The following EYA1 variants were observed in gnomAD, a reference collection of about 807,000 sequenced individuals.
The protein encoded by EYA1 is protein phosphatase EYA1.
EYA1 carries 16 observed loss-of-function variants against 82.0 expected under a neutral mutation model. The observed-to-expected ratio is 0.20, with a 90% CI of 0.13 to 0.30. The LOEUF (loss-of-function observed/expected upper bound fraction) is 0.30, where lower values mean the gene tolerates loss of function less well. EYA1 is among the 10% of genes least tolerant of loss of function. The probability of loss-of-function intolerance (pLI) is 1.00; values close to 1 mark genes in which losing one functional copy is unlikely to be tolerated. For synonymous variants in EYA1, 261 were observed against 264.4 expected (o/e 0.99, Z 0.12); for missense variants, 633 against 730.7 (o/e 0.87, Z 1.54).
At chr8:71,204,570 T>C (rs1162946786) in intron 17 of EYA1, among the ~76,000 whole-genome samples, 1 of 152,182 alleles carries the variant, frequency 6.6e-6, no homozygotes, top group Non-Finnish European at 1.5e-5. Flanking sequence ...ATCCACATGA[T>C]GGAATACCGA....
At chr8:71,522,222 C>G (rs1255263924) in intron 2 of EYA1, among the ~76,000 whole-genome samples, 1 of 152,144 alleles carries the variant, frequency 6.6e-6, no homozygotes, top group East Asian at 1.9e-4. Flanking sequence ...GAAAAACCAC[C>G]TTGATCCTTA....
chr8:71,418,467 C>G (rs1830972104), intron 2 of EYA1, among the ~76,000 whole-genome samples: 1 of 152,066 alleles, frequency 6.6e-6, no homozygotes, highest in Non-Finnish European at 1.5e-5. Context: ...CTTTGGCATA[C>G]AGAATAATAT....
chr8:71,244,161 C>G (rs577329356), intron 12 of EYA1, among the ~76,000 whole-genome samples: 8 of 152,248 alleles, frequency 5.3e-5, no homozygotes, highest in African/African-American at 1.4e-4. Flanking sequence ...ACAGCAGAGG[C>G]CAGACTAAAA....
intron 4 of EYA1, among the ~76,000 whole-genome samples, chr8:71,327,288 AC>A (rs1823270743): frequency 6.6e-6 from 1 of 152,238 alleles, no homozygotes; most frequent in East Asian, 1.9e-4. Context: ...AGAAGGGTAT[AC>A]CTTTTATGAA....
At chr8:71,306,534 G>T (rs1309033393) in intron 7 of EYA1, among the ~76,000 whole-genome samples, 1 of 152,040 alleles carries the variant, frequency 6.6e-6, no homozygotes, top group Non-Finnish European at 1.5e-5. Context: ...GGTTTGGGAT[G>T]GGGGTGCTCA....
chr8:71,304,367 G>C (rs1158397716), intron 7 of EYA1, among the ~76,000 whole-genome samples: 1 of 142,644 alleles, frequency 7.0e-6, no homozygotes, highest in Non-Finnish European at 1.6e-5. Context: ...CAGAACTGAC[G>C]CTCTTAATCT....
intron 2 of EYA1, among the ~76,000 whole-genome samples, chr8:71,523,319 C>T (rs1384165997): frequency 2.0e-5 from 3 of 151,972 alleles, no homozygotes; most frequent in Non-Finnish European, 2.9e-5. Context: ...GCTGGGACTA[C>T]AGGCACCCGC....
chr8:71,271,033 C>T (rs1411424166), intron 10 of EYA1, among the ~76,000 whole-genome samples: 1 of 152,110 alleles, frequency 6.6e-6, no homozygotes, highest in Non-Finnish European at 1.5e-5. Flanking sequence ...ATCGCTTGAA[C>T]CGGGAGGCAG....
intron 11 of EYA1, among the ~76,000 whole-genome samples, chr8:71,265,359 C>T (rs1336563332): frequency 6.6e-6 from 1 of 152,112 alleles, no homozygotes; most frequent in Non-Finnish European, 1.5e-5. Context: ...TAAATGAATG[C>T]TGGGCATATA....
At chr8:71,461,015 C>A (rs1808318489) in intron 2 of EYA1, among the ~76,000 whole-genome samples, 1 of 152,168 alleles carries the variant, frequency 6.6e-6, no homozygotes, top group South Asian at 2.1e-4. Context: ...ACAGCATATG[C>A]AAATAAAACA....
rs749842899 is a variant in EYA1 at position 71,271,744 on chromosome 8, T to A, written c.966+14A>T. Reference sequence around the variant, plus strand: ...GACACCTTTCTATTCACTTGGGTGTTGGCTATGACGTACCTCAAGATCAGA... The same window carrying A: ...GACACCTTTCTATTCACTTGGGTGTAGGCTATGACGTACCTCAAGATCAGA... On this transcript the variant is annotated intron_variant, in intron 10 of 17. Transcript: ENST00000340726. The A allele has an allele frequency of 1.9e-6, 3 of 1,614,216 alleles. No homozygotes were observed. The Admixed American group carries it at 5.0e-5, about 27-fold the overall frequency.
chr8:71,339,460 C>T (rs1824875485), intron 3 of EYA1, among the ~76,000 whole-genome samples: 1 of 152,142 alleles, frequency 6.6e-6, no homozygotes. Flanking sequence ...TGCCAGACCC[C>T]CTTTTCCACC....
intron 12 of EYA1, among the ~76,000 whole-genome samples, chr8:71,222,603 T>C (rs1397248046): frequency 2.0e-5 from 3 of 152,234 alleles, no homozygotes; most frequent in African/African-American, 7.2e-5. Flanking sequence ...ATTGTGGAGT[T>C]CCTGCAGAGG....
At chr8:71,379,499 A>AG (rs74704530) in intron 2 of EYA1, among the ~76,000 whole-genome samples, 36,139 of 152,052 alleles carry the variant, frequency 0.24, 5,266 homozygotes, top group East Asian at 0.7. Flanking sequence ...TTCTTGAAAT[A>AG]GGCATATTTG....
chr8:71,393,037 C>G (rs1829367491), intron 2 of EYA1, among the ~76,000 whole-genome samples: 1 of 152,058 alleles, frequency 6.6e-6, no homozygotes, highest in South Asian at 2.1e-4. Flanking sequence ...GAATACCTTT[C>G]TGCAATATTT....
At chr8:71,524,875 T>G (rs1357115435) in intron 2 of EYA1, among the ~76,000 whole-genome samples, 1 of 152,236 alleles carries the variant, frequency 6.6e-6, no homozygotes, top group East Asian at 1.9e-4. Context: ...TTTTTACTTA[T>G]AGAAAGAAGG....
intron 2 of EYA1, among the ~76,000 whole-genome samples, chr8:71,427,915 G>A (rs985558468): frequency 1.3e-5 from 2 of 151,710 alleles, no homozygotes; most frequent in Admixed American, 6.6e-5. Context: ...GGGAGGTCGA[G>A]GCTGCAGTGA....
chr8:71,379,049 C>T (rs191025207), intron 2 of EYA1, among the ~76,000 whole-genome samples: 6 of 152,242 alleles, frequency 3.9e-5, no homozygotes, highest in Admixed American at 3.3e-4. Flanking sequence ...GAAAATCTCA[C>T]CTACTACAGT....
intron 2 of EYA1, among the ~76,000 whole-genome samples, chr8:71,441,189 A>G (rs1279037068): frequency 6.6e-6 from 1 of 152,200 alleles, no homozygotes; most frequent in Non-Finnish European, 1.5e-5. Flanking sequence ...TGCAAACAGA[A>G]TGACTAATAT....
Sources: gnomAD v4.1 joint callset for allele counts (sites outside exome capture counted in the v4.1 genomes callset) on GRCh38, gnomAD v4.1.1 for gene constraint, MANE v1.5 for transcripts, NCBI Gene and HGNC (gene_info 2026-07-23, HGNC 2026-07-21) for gene names.